The following SCIN variants were observed in gnomAD, a reference collection of about 807,000 sequenced individuals.
SCIN encodes adseverin.
A neutral mutation model predicts 91.8 loss-of-function variants in SCIN; 91 were observed. The ratio of observed to expected loss-of-function variants is 0.99; its 90% CI spans 0.84 to 1.18. SCIN has a LOEUF of 1.18. Among genes scored for constraint, SCIN ranks in the 50% most tolerant of loss-of-function variants. SCIN has a pLI of 0.00. For synonymous variants in SCIN, 367 were observed against 312.6 expected (o/e 1.17, Z -1.84); for missense variants, 1,087 against 863.9 (o/e 1.26, Z -3.24).
chr7:12,570,791 C>T lies in SCIN; in HGVS notation c.5C>T (p.Ala2Val), dbSNP rs1251013354. M[A>V]RELYHEEFAR... ...GGAGCATCGCGTGCAGGAGCCATGGCGCGGGAGCTATACCACGAAGAGTTC... is the reference window on the plus strand; with the variant it reads ...GGAGCATCGCGTGCAGGAGCCATGGTGCGGGAGCTATACCACGAAGAGTTC... Residue 2 changes from alanine (A) to valine (V), a missense_variant, in exon 1 of 16, where the codon GCG becomes GTG. Coordinates refer to ENST00000297029, the MANE Select transcript of SCIN (RefSeq NM_001112706.3). 10 of 1,550,386 alleles carry T rather than the reference C, an allele frequency of 6.5e-6. No homozygotes were observed. In the East Asian group the frequency reaches 2.0e-4, roughly 30 times the overall value.
chr7:12,593,712 T>C (rs954670015), intron 3 of SCIN, among the ~76,000 whole-genome samples: 1 of 152,080 alleles, frequency 6.6e-6, no homozygotes, highest in East Asian at 1.9e-4. Flanking sequence ...AGGCCTGCAA[T>C]GAGGCAAGTA....
chr7:12,597,694 A>G (rs1489974829), intron 3 of SCIN, among the ~76,000 whole-genome samples: 6 of 152,250 alleles, frequency 3.9e-5, no homozygotes, highest in African/African-American at 1.2e-4. Flanking sequence ...GGTTGTTTCT[A>G]TAAATATAAC....
intron 1 of SCIN, among the ~76,000 whole-genome samples, chr7:12,576,633 C>CA (rs1409870848): frequency 6.6e-6 from 1 of 151,986 alleles, no homozygotes; most frequent in South Asian, 2.1e-4. Context: ...AGCCTGAGTA[C>CA]AAAAAAATAC....
chr7:12,631,434 A>C (rs1783641150), intron 9 of SCIN, among the ~76,000 whole-genome samples: 1 of 152,314 alleles, frequency 6.6e-6, no homozygotes, highest in East Asian at 1.9e-4. Flanking sequence ...TATTGGTTAA[A>C]TATTTGTACC....
At chr7:12,599,477 A>T (rs1440501127) in intron 3 of SCIN, among the ~76,000 whole-genome samples, 1 of 152,058 alleles carries the variant, frequency 6.6e-6, no homozygotes, top group Admixed American at 6.6e-5. Flanking sequence ...GTGCTGCTAT[A>T]CACGTGTGTG....
chr7:12,644,441 A>C, intron 12 of SCIN, 126 bp downstream of exon 12: 1 of 1,436,072 alleles, frequency 7.0e-7, no homozygotes, highest in Non-Finnish European at 9.3e-7. Flanking sequence ...CATTAGTTGC[A>C]GAGGTGGGTG....
At chr7:12,636,227 T>C in intron 10 of SCIN, 92 bp downstream of exon 10, 1 of 861,646 alleles carries the variant, frequency 1.2e-6, no homozygotes, top group South Asian at 1.7e-5. Flanking sequence ...GGGATAGAAA[T>C]TTGACATTTT....
intron 4 of SCIN, among the ~76,000 whole-genome samples, chr7:12,614,216 C>T (rs375982879): frequency 6.6e-5 from 10 of 152,270 alleles, no homozygotes; most frequent in East Asian, 3.9e-4. Context: ...GTAGATGGCT[C>T]ACTGGTAGGC....
chr7:12,599,167 C>T (rs543758431), intron 3 of SCIN, among the ~76,000 whole-genome samples: 1 of 152,204 alleles, frequency 6.6e-6, no homozygotes, highest in African/African-American at 2.4e-5. Flanking sequence ...AACCACTTTG[C>T]TTAGTAATTT....
At chr7:12,613,599 C>T (rs1397465489) in intron 4 of SCIN, among the ~76,000 whole-genome samples, 1 of 152,056 alleles carries the variant, frequency 6.6e-6, no homozygotes, top group Admixed American at 6.6e-5. Flanking sequence ...ACTGTTTTTC[C>T]AGAGCCTAGA....
chr7:12,644,268 G>C lies in SCIN; in HGVS notation c.1712G>C (p.Ser571Thr), dbSNP rs1416876626. ...GAGAAAGGAGCAGAGTATGTAGCAAGTGTCCTAAAGTGCAAAACCTTAAGG... is the reference window on the plus strand; with the variant it reads ...GAGAAAGGAGCAGAGTATGTAGCAACTGTCCTAAAGTGCAAAACCTTAAGG... ...EEEKGAEYVA[S>T]VLKCKTLRIQ... The change falls in exon 12 of 16, where the codon AGT (serine) becomes ACT (threonine). Residue 571 changes from serine (S) to threonine (T), a missense_variant. Physicochemically the swap from Ser to Thr is moderately conservative, Grantham distance 58. Transcript: ENST00000297029. The C allele has an allele frequency of 6.3e-7, 1 of 1,599,494 alleles. No homozygotes were observed. The highest frequency in any genetic ancestry group is 1.7e-5 in the Admixed American group (1 of 57,640).
intron 3 of SCIN, among the ~76,000 whole-genome samples, chr7:12,590,237 A>G (rs1045954995): frequency 6.6e-6 from 1 of 152,202 alleles, no homozygotes; most frequent in African/African-American, 2.4e-5. Flanking sequence ...GAAGGTGTCT[A>G]TAAGAGTAAG....
At chr7:12,645,006 G>A (rs190208653) in intron 13 of SCIN, among the ~76,000 whole-genome samples, 152 of 77,586 alleles carry the variant, frequency 2.0e-3, no homozygotes, top group African/African-American at 8.0e-3. Flanking sequence ...GGCAACAAGA[G>A]CAAAACTCCG....
In SCIN at chr7:12,592,345, G is replaced by C. The variant is rs552331965; in HGVS notation, c.516+11124G>C. 8.5e-5 allele frequency among the ~76,000 whole-genome samples: 13 copies of C among 152,276 alleles called. No homozygotes were observed. The South Asian group carries it at 2.7e-3, about 32-fold the overall frequency. On this transcript the variant is annotated intron_variant, in intron 3 of 15. Transcript: ENST00000297029. Reference sequence around the variant, plus strand: ...AGCCATCAGACTTTTTAACAGGGAGGATAGGGGTGTTATATGGAGAGTGTG... The same window carrying C: ...AGCCATCAGACTTTTTAACAGGGAGCATAGGGGTGTTATATGGAGAGTGTG...
At chr7:12,585,304 A>G (rs1404262294) in intron 3 of SCIN, among the ~76,000 whole-genome samples, 1 of 149,690 alleles carries the variant, frequency 6.7e-6, no homozygotes, top group African/African-American at 2.5e-5. Flanking sequence ...ATCCAGCCTC[A>G]CTCCTCCCCT....
chr7:12,625,875 GA>G, intron 7 of SCIN, 25 bp downstream of exon 7: 3 of 1,511,934 alleles, frequency 2.0e-6, no homozygotes, highest in African/African-American at 2.8e-5. Context: ...GAACTGGCTA[GA>G]AAAAAATAGA....
chr7:12,608,472 G>T (rs1396095688), intron 4 of SCIN, among the ~76,000 whole-genome samples: 1 of 151,978 alleles, frequency 6.6e-6, no homozygotes, highest in Non-Finnish European at 1.5e-5. Flanking sequence ...TTAAATTGAG[G>T]TTTTATTTAT....
chr7:12,617,667 A>T (rs970243325), intron 4 of SCIN, among the ~76,000 whole-genome samples: 5 of 152,268 alleles, frequency 3.3e-5, no homozygotes, highest in African/African-American at 1.2e-4. Flanking sequence ...TGGCAGACCT[A>T]TCCCAATGGT....
chr7:12,608,308 T>C (rs6978454), intron 4 of SCIN, among the ~76,000 whole-genome samples: 68,299 of 138,092 alleles, frequency 0.49, 16,137 homozygotes, highest in Admixed American at 0.64. Context: ...GTCTATACTA[T>C]GCATGCACAC....
Sources: allele counts gnomAD v4.1 joint callset (sites outside exome capture counted in the v4.1 genomes callset), GRCh38; gene constraint gnomAD v4.1.1; transcripts MANE v1.5; gene names NCBI Gene and HGNC (gene_info 2026-07-23, HGNC 2026-07-21).